The following MAGI1 variants were observed in gnomAD, a reference collection of about 807,000 sequenced individuals.
MAGI1 encodes the protein membrane associated guanylate kinase, WW and PDZ domain containing 1.
A neutral mutation model predicts 139.9 loss-of-function variants in MAGI1; 58 were observed. That is an observed-to-expected ratio of 0.41 (90% CI 0.34 to 0.52). The LOEUF (loss-of-function observed/expected upper bound fraction) is 0.52, where lower values mean the gene tolerates loss of function less well. Ranked by LOEUF, MAGI1 falls within the 20% of genes least tolerant of loss-of-function variation. MAGI1 has a pLI of 0.12. For missense variants in MAGI1, 1,874 were observed against 1,901.6 expected (o/e 0.99, Z 0.27); for synonymous variants, 812 against 737.9 (o/e 1.10, Z -1.63).
intron 14 of MAGI1, among the ~76,000 whole-genome samples, chr3:65,388,311 A>G (rs1437149841): frequency 4.6e-5 from 7 of 152,200 alleles, no homozygotes; most frequent in Admixed American, 4.6e-4. Context: ...AAAAGAAAAG[A>G]AAAAGAAAAA....
chr3:65,734,568 A>G (rs555695179), intron 1 of MAGI1, among the ~76,000 whole-genome samples: 2,030 of 123,832 alleles, frequency 0.016, 34 homozygotes, highest in African/African-American at 0.056. Flanking sequence ...AAAGAGAGAG[A>G]GGGAGAGAGA....
chr3:65,556,904 T>C (rs1357426800), intron 2 of MAGI1, among the ~76,000 whole-genome samples: 3 of 152,222 alleles, frequency 2.0e-5, no homozygotes, highest in Non-Finnish European at 2.9e-5. Context: ...ATTCCAGACT[T>C]GTTCTGCTCA....
At chr3:65,748,409 A>G (rs1365937657) in intron 1 of MAGI1, among the ~76,000 whole-genome samples, 3 of 152,142 alleles carry the variant, frequency 2.0e-5, no homozygotes, top group Non-Finnish European at 2.9e-5. Context: ...CCAGGGTAGG[A>G]TATGGGCCTT....
intron 1 of MAGI1, among the ~76,000 whole-genome samples, chr3:65,921,591 T>A (rs2062189945): frequency 6.6e-6 from 1 of 152,168 alleles, no homozygotes; most frequent in Non-Finnish European, 1.5e-5. Context: ...ATCATAGGCA[T>A]GAGCCACCGT....
At chr3:65,486,074 C>T (rs1363915826) in intron 3 of MAGI1, among the ~76,000 whole-genome samples, 1 of 152,200 alleles carries the variant, frequency 6.6e-6, no homozygotes, top group African/African-American at 2.4e-5. Context: ...GGACTCTAGA[C>T]AGTCTCGCTT....
chr3:65,579,835 G>A (rs1453499786), intron 2 of MAGI1, among the ~76,000 whole-genome samples: 8 of 118,058 alleles, frequency 6.8e-5, no homozygotes, highest in South Asian at 3.0e-4. Context: ...GAACAAGAGC[G>A]AAACTCCATC....
At chr3:65,925,914 G>A (rs1345761898) in intron 1 of MAGI1, among the ~76,000 whole-genome samples, 1 of 152,182 alleles carries the variant, frequency 6.6e-6, no homozygotes, top group Non-Finnish European at 1.5e-5. Flanking sequence ...CTAGGTTAAA[G>A]CGATCCACCT....
chr3:65,845,915 A>G (rs1054787422), intron 1 of MAGI1, among the ~76,000 whole-genome samples: 1 of 152,246 alleles, frequency 6.6e-6, no homozygotes, highest in Non-Finnish European at 1.5e-5. Flanking sequence ...TTAACCTGCA[A>G]AGCCTATCAG....
intron 1 of MAGI1, among the ~76,000 whole-genome samples, chr3:65,879,403 C>T (rs1394104243): frequency 1.3e-5 from 2 of 151,818 alleles, no homozygotes; most frequent in African/African-American, 4.8e-5. Context: ...AGAAGTCAGG[C>T]GATTAAGGGA....
At chr3:65,725,458 TG>T (rs2033500154) in intron 1 of MAGI1, among the ~76,000 whole-genome samples, 1 of 152,206 alleles carries the variant, frequency 6.6e-6, no homozygotes, top group Admixed American at 6.5e-5. Context: ...TCTTGTTACA[TG>T]TCTAACAAGA....
chr3:65,939,005 A>G (rs1006839969), intron 1 of MAGI1, among the ~76,000 whole-genome samples: 3 of 152,178 alleles, frequency 2.0e-5, no homozygotes, highest in Admixed American at 2.0e-4. Context: ...CTCAGCCACT[A>G]GAGTAAAACA....
chr3:65,854,895 C>A (rs974148801), intron 1 of MAGI1, among the ~76,000 whole-genome samples: 2 of 152,208 alleles, frequency 1.3e-5, no homozygotes, highest in African/African-American at 4.8e-5. Flanking sequence ...AAGTATGACA[C>A]CTTGGAAACG....
In MAGI1 at chr3:65,745,465, T is replaced by C. The variant is rs185465340; in HGVS notation, c.314-123377A>G. ...AAAATACAGAGCGTATTACTTACAATTGGAAGCCCTAACTTCGCAGGCAAG... is the reference window on the plus strand; with the variant it reads ...AAAATACAGAGCGTATTACTTACAACTGGAAGCCCTAACTTCGCAGGCAAG... On this transcript the variant is annotated intron_variant, in intron 1 of 22. Transcript: ENST00000402939. 4.6e-5 allele frequency among the ~76,000 whole-genome samples: 7 copies of C among 152,294 alleles called. No homozygotes were observed. In the East Asian group the frequency reaches 1.2e-3, roughly 25 times the overall value.
intron 1 of MAGI1, among the ~76,000 whole-genome samples, chr3:65,659,581 C>G (rs1689730204): frequency 6.6e-6 from 1 of 152,164 alleles, no homozygotes; most frequent in African/African-American, 2.4e-5. Context: ...GAATATCCCA[C>G]CCCTTGGTTA....
chr3:65,547,600 C>G (rs2079564671), intron 2 of MAGI1, among the ~76,000 whole-genome samples: 1 of 152,158 alleles, frequency 6.6e-6, no homozygotes, highest in South Asian at 2.1e-4. Context: ...GGGTTAAAAG[C>G]AGGAGCTCTG....
At chr3:65,517,615 G>C (rs1269682652) in intron 2 of MAGI1, among the ~76,000 whole-genome samples, 1 of 152,148 alleles carries the variant, frequency 6.6e-6, no homozygotes, top group African/African-American at 2.4e-5. Context: ...CCCCAGCAGA[G>C]GCCCTTCGCC....
chr3:65,416,350 C>T (rs1946218899), intron 12 of MAGI1, among the ~76,000 whole-genome samples: 1 of 152,176 alleles, frequency 6.6e-6, no homozygotes, highest in African/African-American at 2.4e-5. Context: ...GTTATTATGA[C>T]TGCTATTCTA....
intron 1 of MAGI1, among the ~76,000 whole-genome samples, chr3:66,027,060 G>A (rs552169008): frequency 1.3e-5 from 2 of 151,728 alleles, no homozygotes; most frequent in Non-Finnish European, 2.9e-5. Context: ...ACAAGGTCAG[G>A]AGATCGAGAT....
chr3:65,761,058 C>T (rs1337753220), intron 1 of MAGI1, among the ~76,000 whole-genome samples: 7 of 152,126 alleles, frequency 4.6e-5, no homozygotes, highest in African/African-American at 7.2e-5. Flanking sequence ...ACTGAAGTTA[C>T]GCAGATATCT....
Sources: allele counts gnomAD v4.1 joint callset (sites outside exome capture counted in the v4.1 genomes callset), GRCh38; gene constraint gnomAD v4.1.1; transcripts MANE v1.5; gene names NCBI Gene and HGNC (gene_info 2026-07-23, HGNC 2026-07-21).